UBE4A: variants seen among roughly 807,000 people sequenced by gnomAD.
UBE4A encodes ubiquitination factor E4A, also known as ubiquitin conjugation factor E4 A.
Under a neutral mutation model 117.9 loss-of-function variants are expected in UBE4A, and 48 were observed. That is an observed-to-expected ratio of 0.41 (90% CI 0.32 to 0.52). The LOEUF is 0.52. Among genes scored for constraint, UBE4A ranks in the 20% least tolerant of loss-of-function variants. The probability of loss-of-function intolerance (pLI) is 0.33; values close to 1 mark genes in which losing one functional copy is unlikely to be tolerated. For missense variants in UBE4A, 1,067 were observed against 1,296.3 expected (o/e 0.82, Z 2.72); for synonymous variants, 407 against 450.0 (o/e 0.90, Z 1.21).
intron 5 of UBE4A, among the ~76,000 whole-genome samples, chr11:118,372,215 A>G (rs566985322): frequency 6.6e-6 from 1 of 152,326 alleles, no homozygotes; most frequent in Admixed American, 6.5e-5. Context: ...AGATCACACC[A>G]CTGCACTCCA....
intron 2 of UBE4A, among the ~76,000 whole-genome samples, chr11:118,368,051 TGGCC>T (rs1948578645): frequency 6.6e-6 from 1 of 152,114 alleles, no homozygotes; most frequent in Non-Finnish European, 1.5e-5. Flanking sequence ...GGCCTCTAAA[TGGCC>T]TAACAGGGAA....
chr11:118,380,658 G>C (rs1471377272), intron 11 of UBE4A, among the ~76,000 whole-genome samples: 1 of 152,160 alleles, frequency 6.6e-6, no homozygotes, highest in Non-Finnish European at 1.5e-5. Flanking sequence ...CTGACTCAGA[G>C]TTCCTCAGGA....
intron 1 of UBE4A, among the ~76,000 whole-genome samples, chr11:118,361,146 T>G (rs1948518197): frequency 6.6e-6 from 1 of 151,654 alleles, no homozygotes; most frequent in Non-Finnish European, 1.5e-5. Flanking sequence ...GCCTCCCAAG[T>G]AGTGGGATTA....
chr11:118,384,612 A>G (rs782067971), intron 13 of UBE4A, 23 bp from the exon 14 acceptor site: 2 of 1,604,544 alleles, frequency 1.2e-6, no homozygotes, highest in South Asian at 1.1e-5. Context: ...CTTTGCTGAT[A>G]TTTCGCTCTT....
chr11:118,380,134 CGTGTGTGTGTGTGTGTGTGTGTGT>C (rs55892936), intron 11 of UBE4A, among the ~76,000 whole-genome samples: 7 of 137,046 alleles, frequency 5.1e-5, no homozygotes, highest in East Asian at 2.0e-4. Flanking sequence ...TGTGTGTGTG[CGTGTGTGTGTGTGTGTGTGTGTGT>C]GTGTGTGTGT....
intron 2 of UBE4A, among the ~76,000 whole-genome samples, chr11:118,365,736 T>C (rs1948557509): frequency 6.6e-6 from 1 of 152,224 alleles, no homozygotes; most frequent in Non-Finnish European, 1.5e-5. Flanking sequence ...GTGGCATCAT[T>C]TGTAGCTTAG....
intron 8 of UBE4A, 30 bp from the exon 9 acceptor site, chr11:118,374,866 G>A (rs1555125097): frequency 6.1e-6 from 9 of 1,485,082 alleles, no homozygotes; most frequent in East Asian, 2.3e-5. Flanking sequence ...ATTGTGAAAC[G>A]TTCTGTGGTT....
chr11:118,373,021 G>T, intron 6 of UBE4A, 65 bp from the exon 7 acceptor site: 1 of 1,367,328 alleles, frequency 7.3e-7, no homozygotes. Context: ...AAAGTAAAGA[G>T]CTAGTGTGTA....
At chr11:118,391,638 C>T (rs1053240336) in intron 18 of UBE4A, among the ~76,000 whole-genome samples, 1 of 147,108 alleles carries the variant, frequency 6.8e-6, no homozygotes, top group Non-Finnish European at 1.5e-5. Context: ...ACTAAAAATA[C>T]AAAAAATTAG....
chr11:118,374,716 A>G (rs1267384969), intron 8 of UBE4A, among the ~76,000 whole-genome samples, 180 bp from the exon 9 acceptor site: 1 of 152,262 alleles, frequency 6.6e-6, no homozygotes, highest in Non-Finnish European at 1.5e-5. Context: ...GCAGCTGATC[A>G]GAAAATCTCT....
intron 1 of UBE4A, among the ~76,000 whole-genome samples, chr11:118,360,010 G>A (rs1317858332): frequency 6.6e-6 from 1 of 152,096 alleles, no homozygotes; most frequent in Non-Finnish European, 1.5e-5. Flanking sequence ...TCCTTCCCGC[G>A]AATCCCTTAT....
intron 9 of UBE4A, 30 bp from the exon 10 acceptor site, chr11:118,376,544 A>G (rs782615863): frequency 4.2e-5 from 67 of 1,606,820 alleles, no homozygotes; most frequent in Non-Finnish European, 5.3e-5. Context: ...CAAGACATTT[A>G]CCCTCTTTTT....
chr11:118,394,005 A>G, intron 19 of UBE4A, among the ~76,000 whole-genome samples: 1 of 152,198 alleles, frequency 6.6e-6, no homozygotes, highest in Admixed American at 6.5e-5. Flanking sequence ...CAGCCTGCCT[A>G]TTCTTCGGAC....
At chr11:118,388,580 C>T (rs1460952790) in intron 16 of UBE4A, among the ~76,000 whole-genome samples, 2 of 150,446 alleles carry the variant, frequency 1.3e-5, no homozygotes, top group African/African-American at 4.9e-5. Flanking sequence ...ACTTAGGAGG[C>T]GGAGGTTGCA....
chr11:118,394,853 C>CCTAG (rs142449656), intron 19 of UBE4A, among the ~76,000 whole-genome samples: 25,335 of 151,908 alleles, frequency 0.17, 2,633 homozygotes, highest in East Asian at 0.5. Context: ...TGCCTGTAGT[C>CCTAG]CTAGCTACTC....
At position 118,391,564 on chromosome 11, in the gene UBE4A, G is replaced by T. The variant is rs11216866; in HGVS notation, c.2916+760G>T. 1.9e-4 allele frequency among the ~76,000 whole-genome samples: 29 copies of T among 151,728 alleles called. No homozygotes were observed. In the East Asian group the frequency reaches 5.6e-3, roughly 30 times the overall value. ...AATCCTAGCACTTTGGGAGGTCGAG[G>T]CGGGCAGATCACAAGGTCAGGAGAT... is the stretch of plus-strand genomic sequence containing the variant. On this transcript the variant is annotated intron_variant, in intron 18 of 19. Coordinates refer to ENST00000252108, the MANE Select transcript of UBE4A (RefSeq NM_001204077.2).
At chr11:118,369,143 T>A (rs897745580) in intron 3 of UBE4A, among the ~76,000 whole-genome samples, 1 of 152,238 alleles carries the variant, frequency 6.6e-6, no homozygotes, top group African/African-American at 2.4e-5. Flanking sequence ...AGAGAGTGTT[T>A]GCCCTCTGTG....
intron 19 of UBE4A, among the ~76,000 whole-genome samples, chr11:118,394,165 C>G (rs2134115726): frequency 6.6e-6 from 1 of 151,886 alleles, no homozygotes; most frequent in South Asian, 2.1e-4. Context: ...ATTTATTTAT[C>G]TATTTTTTTG....
intron 17 of UBE4A, among the ~76,000 whole-genome samples, 178 bp downstream of exon 17, chr11:118,390,083 C>T (rs1267640275): frequency 1.3e-5 from 2 of 151,952 alleles, no homozygotes; most frequent in Admixed American, 1.3e-4. Flanking sequence ...GGCAAGGTGT[C>T]GTGTGCCTGT....
Sources: gnomAD v4.1 joint callset for allele counts (sites outside exome capture counted in the v4.1 genomes callset) on GRCh38, gnomAD v4.1.1 for gene constraint, MANE v1.5 for transcripts, NCBI Gene and HGNC (gene_info 2026-07-23, HGNC 2026-07-21) for gene names.